The following BTRC variants were observed in gnomAD, a reference collection of about 807,000 sequenced individuals.
The protein encoded by BTRC is beta-transducin repeat containing E3 ubiquitin protein ligase.
A neutral mutation model predicts 85.5 loss-of-function variants in BTRC; 42 were observed. The ratio of observed to expected loss-of-function variants is 0.49; its 90% CI spans 0.38 to 0.64. The LOEUF (loss-of-function observed/expected upper bound fraction) is 0.64. Ranked by LOEUF, BTRC falls within the 30% of genes least tolerant of loss-of-function variation. The pLI, the probability that BTRC is intolerant of heterozygous loss-of-function variation, is 0.00. For synonymous variants in BTRC, 255 were observed against 263.3 expected (o/e 0.97, Z 0.30); for missense variants, 594 against 743.5 (o/e 0.80, Z 2.34).
chr10:101,388,525 T>C, intron 1 of BTRC, among the ~76,000 whole-genome samples: 1 of 151,894 alleles, frequency 6.6e-6, no homozygotes, highest in East Asian at 1.9e-4. Flanking sequence ...GGTCTCATTC[T>C]GTTGCCCAGG....
intron 4 of BTRC, among the ~76,000 whole-genome samples, chr10:101,521,321 G>C (rs897256105): frequency 6.6e-6 from 1 of 152,190 alleles, no homozygotes; most frequent in African/African-American, 2.4e-5. Flanking sequence ...AACAACTGTT[G>C]TATACAAGAA....
intron 1 of BTRC, among the ~76,000 whole-genome samples, chr10:101,376,141 T>C (rs10883628): frequency 0.36 from 54,888 of 151,976 alleles, 11,007 homozygotes; most frequent in Middle Eastern, 0.48. Flanking sequence ...GTCTGGCCAA[T>C]GTGGTGAAAC....
chr10:101,416,006 C>G (rs963240022), intron 1 of BTRC, among the ~76,000 whole-genome samples: 2 of 152,068 alleles, frequency 1.3e-5, no homozygotes, highest in Non-Finnish European at 2.9e-5. Context: ...TGTGGTAGTA[C>G]CTTCTAGATT....
intron 1 of BTRC, among the ~76,000 whole-genome samples, chr10:101,366,034 G>C (rs1344408219): frequency 1.3e-5 from 2 of 151,886 alleles, no homozygotes; most frequent in Non-Finnish European, 2.9e-5. Flanking sequence ...TTTCCTTTCA[G>C]TTCATGTTAA....
rs1418520623 is a variant in BTRC, at chr10:101,555,881, G to A, written c.*2758G>A. 6.6e-6 allele frequency: 1 copy of A among 152,218 alleles called. No individual in the cohort carries two copies. The highest frequency in any genetic ancestry group is 1.5e-5 in the Non-Finnish European group (1 of 68,040). The allele number at this position is 152,218 out of a possible 1,614,324, so 9.4% of individuals were successfully genotyped here. A position where few individuals can be genotyped will look rare whatever the true frequency, so the allele number is the denominator to read the frequency against. On this transcript the variant is annotated 3_prime_UTR_variant, in exon 15 of 15. Transcript: ENST00000370187. ...CTGAAACCCCTTCAAAGGCAGATGA[G>A]GAGGTACAGACACGTGACCTTTTGG...
intron 3 of BTRC, among the ~76,000 whole-genome samples, chr10:101,466,391 G>C (rs1266728567): frequency 1.3e-5 from 2 of 152,174 alleles, no homozygotes; most frequent in Non-Finnish European, 1.5e-5. Context: ...GCAAAGCCAT[G>C]AGAGAGGCCA....
At chr10:101,494,316 C>T (rs1946206714) in intron 4 of BTRC, among the ~76,000 whole-genome samples, 1 of 152,086 alleles carries the variant, frequency 6.6e-6, no homozygotes, top group Non-Finnish European at 1.5e-5. Context: ...AACCAGAGTA[C>T]AAGAGAGGAA....
rs377216380 is a variant in BTRC at position 101,548,667 on chromosome 10, G to C, written c.1657-2032G>C. On this transcript the variant is annotated intron_variant, in intron 13 of 14. Coordinates refer to ENST00000370187, the MANE Select transcript of BTRC (RefSeq NM_033637.4). ...CTTGGGAGGCTGAGGCAGGAGAATC[G>C]CTTGAACCTGGGAGGCGGAAGTTGC... 2.1e-3 allele frequency among the ~76,000 whole-genome samples: 316 copies of C among 152,172 alleles called. 3 individuals are homozygous for C. Among genetic ancestry groups the C allele is most frequent in the African/African-American group, 7.1e-3 (294 of 41,524 alleles).
At chr10:101,509,521 T>TG (rs1946639718) in intron 4 of BTRC, among the ~76,000 whole-genome samples, 1 of 149,538 alleles carries the variant, frequency 6.7e-6, no homozygotes, top group Non-Finnish European at 1.5e-5. Flanking sequence ...CCCAAAGTGC[T>TG]GGGATTACAG....
chr10:101,368,581 G>A (rs761016296), intron 1 of BTRC, among the ~76,000 whole-genome samples: 3 of 145,292 alleles, frequency 2.1e-5, no homozygotes, highest in South Asian at 2.2e-4. Context: ...CTGGGTTCAA[G>A]CTGTCTTCCC....
chr10:101,521,891 A>C, intron 5 of BTRC, 21 bp downstream of exon 5: 1 of 1,562,268 alleles, frequency 6.4e-7, no homozygotes, highest in South Asian at 1.1e-5. Flanking sequence ...AAGTGTTTGT[A>C]AACCATTAAT....
chr10:101,459,811 A>T (rs1424915695), intron 2 of BTRC, among the ~76,000 whole-genome samples: 1 of 152,180 alleles, frequency 6.6e-6, no homozygotes, highest in Non-Finnish European at 1.5e-5. Context: ...GTCAGTAAAA[A>T]GAAAATTGTG....
At chr10:101,459,935 A>G (rs1945180590) in intron 2 of BTRC, among the ~76,000 whole-genome samples, 1 of 152,214 alleles carries the variant, frequency 6.6e-6, no homozygotes, top group South Asian at 2.1e-4. Context: ...TACCTGTATA[A>G]TAAAAATGTG....
chr10:101,512,951 T>C (rs2061975594), intron 4 of BTRC, among the ~76,000 whole-genome samples: 1 of 152,190 alleles, frequency 6.6e-6, no homozygotes, highest in Non-Finnish European at 1.5e-5. Context: ...TGAACAGTAG[T>C]GGTTGAGTCA....
At chr10:101,509,546 G>T (rs955992683) in intron 4 of BTRC, among the ~76,000 whole-genome samples, 1 of 146,134 alleles carries the variant, frequency 6.8e-6, no homozygotes, top group East Asian at 2.0e-4. Context: ...GAGCCACCGC[G>T]CCCAGCCTTT....
At chr10:101,404,132 G>A (rs942903886) in intron 1 of BTRC, among the ~76,000 whole-genome samples, 3 of 145,960 alleles carry the variant, frequency 2.1e-5, no homozygotes, top group Non-Finnish European at 3.0e-5. Context: ...CCGGGTTCAC[G>A]CCATTCTCCT....
intron 4 of BTRC, among the ~76,000 whole-genome samples, chr10:101,486,873 T>C (rs1162423267): frequency 1.3e-5 from 2 of 152,230 alleles, no homozygotes; most frequent in Non-Finnish European, 2.9e-5. Context: ...GACTTCTGCT[T>C]TAAGAAACTG....
intron 2 of BTRC, among the ~76,000 whole-genome samples, chr10:101,452,126 A>G (rs1325686952): frequency 6.6e-6 from 1 of 152,224 alleles, no homozygotes; most frequent in Non-Finnish European, 1.5e-5. Context: ...TAATGTCTCA[A>G]GAGGGAGAAT....
At chr10:101,375,945 G>A (rs2133950221) in intron 1 of BTRC, among the ~76,000 whole-genome samples, 1 of 152,326 alleles carries the variant, frequency 6.6e-6, no homozygotes, top group African/African-American at 2.4e-5. Flanking sequence ...GGGGAAGTGG[G>A]GGAAATGATG....
Sources: gnomAD v4.1 joint callset for allele counts (sites outside exome capture counted in the v4.1 genomes callset) on GRCh38, gnomAD v4.1.1 for gene constraint, MANE v1.5 for transcripts, NCBI Gene and HGNC (gene_info 2026-07-23, HGNC 2026-07-21) for gene names.